Variants in GGT5 observed in about 807,000 individuals in gnomAD.
GGT5 encodes gamma-glutamyltransferase 5, also known as glutathione hydrolase 5 proenzyme.
In GGT5, 50 loss-of-function variants were observed where a neutral mutation model predicts 58.1. The ratio of observed to expected loss-of-function variants is 0.86; its 90% CI spans 0.69 to 1.09. The LOEUF (loss-of-function observed/expected upper bound fraction) is 1.09. Ranked by LOEUF, GGT5 falls within the 50% of genes least tolerant of loss-of-function variation. GGT5 has a pLI of 0.00. For missense variants in GGT5, 800 were observed against 789.4 expected (o/e 1.01, Z -0.16); for synonymous variants, 370 against 346.1 (o/e 1.07, Z -0.77).
chr22:24,244,746 G>A lies in GGT5; in HGVS notation c.-21C>T, dbSNP rs2048430037. 5 of 1,590,258 alleles carry A rather than the reference G, an allele frequency of 3.1e-6. No homozygotes were observed. Among genetic ancestry groups the A allele is most frequent in the Middle Eastern group, 2.1e-4 (1 of 4,818 alleles). On this transcript the variant is annotated 5_prime_UTR_variant, in exon 1 of 12. Transcript: ENST00000327365. ...GCCATGGCTCTGCAGCCCAGGAGGA[G>A]AGGGGCGGCTGGTGGGCAGACGGAG...
rs747658965 is a variant in GGT5 at position 24,226,196 on chromosome 22, T to TC, written c.1108dup (p.Asp370GlyfsTer143). 3 of 1,608,844 alleles carry TC rather than the reference T, an allele frequency of 1.9e-6. No homozygotes were observed. Among genetic ancestry groups the TC allele is most frequent in the African/African-American group, 2.7e-5 (2 of 74,582 alleles). Reference sequence around the variant, plus strand: ...CAAGCTGTAGTGGCTGAGCTGGTGGTCCCCCCGGCCATCGATCTGTTGGCG... The same window carrying TC: ...CAAGCTGTAGTGGCTGAGCTGGTGGTCCCCCCCGGCCATCGATCTGTTGGCG... On this transcript the variant is annotated frameshift_variant, in exon 8 of 12. Coordinates refer to ENST00000327365, the MANE Select transcript of GGT5 (RefSeq NM_004121.5). LOFTEE classifies it high-confidence loss of function.
intron 11 of GGT5, 104 bp from the exon 12 acceptor site, chr22:24,220,220 G>A (rs2047550134): frequency 4.4e-6 from 5 of 1,133,778 alleles, no homozygotes; most frequent in Admixed American, 2.3e-5. Flanking sequence ...AAGGCAAGAC[G>A]GAGAGGAAGA....
chr22:24,238,884 ATATATTT>A (rs2048224940), intron 1 of GGT5, among the ~76,000 whole-genome samples: 2 of 10,650 alleles, frequency 1.9e-4, no homozygotes, highest in African/African-American at 1.1e-3. Context: ...AATATATATT[ATATATTT>A]TATATATATA....
At position 24,219,743 on chromosome 22, in the gene GGT5, G is replaced by A; in HGVS notation, c.*227C>T. ...TGGCCCCAGGCAAGAGGCCTGCGGAGGGATAGAGGGGCCGGTTCAGGACCA... is the reference window on the plus strand; with the variant it reads ...TGGCCCCAGGCAAGAGGCCTGCGGAAGGATAGAGGGGCCGGTTCAGGACCA... On this transcript the variant is annotated 3_prime_UTR_variant, in exon 12 of 12. Coordinates refer to ENST00000327365, the MANE Select transcript of GGT5 (RefSeq NM_004121.5). 1 of 557,002 alleles carries A rather than the reference G, an allele frequency of 1.8e-6. No homozygotes were observed. Among genetic ancestry groups the A allele is most frequent in the Non-Finnish European group, 3.2e-6 (1 of 311,042 alleles). 34.5% of individuals were successfully genotyped at this position (557,002 alleles called of 1,614,324 possible). A position where few individuals can be genotyped will look rare whatever the true frequency, so the allele number is the denominator to read the frequency against.
rs1423665924 is a variant in GGT5, at chr22:24,231,414, T to C, written c.871A>G (p.Ile291Val). The C allele has an allele frequency of 6.4e-7, 1 of 1,553,190 alleles. No homozygotes were observed. The highest frequency in any genetic ancestry group is 8.7e-7 in the Non-Finnish European group (1 of 1,148,512). The change falls in exon 6 of 12, where the codon ATT becomes GTT. Residue 291 changes from isoleucine to valine, a missense_variant. By Grantham distance (29) the Ile-to-Val change is conservative. Transcript: ENST00000327365. ...YSPPPPAGGAILSFILNVLRG... is the reference protein window; with the variant it reads ...YSPPPPAGGAVLSFILNVLRG... ...AGCACGTTGAGGATAAAGCTGAGAATGGCACCCCCTGCAGGCGGCGGTGGT... is the reference window on the plus strand; with the variant it reads ...AGCACGTTGAGGATAAAGCTGAGAACGGCACCCCCTGCAGGCGGCGGTGGT...
chr22:24,231,357 C>T (rs1021181352), intron 6 of GGT5, 27 bp downstream of exon 6: 31 of 1,503,368 alleles, frequency 2.1e-5, no homozygotes, highest in Non-Finnish European at 2.4e-5. Context: ...AGGGGGTGGG[C>T]GCCAGGGCTC....
intron 6 of GGT5, 72 bp downstream of exon 6, chr22:24,231,312 G>T (rs893973219): frequency 1.8e-6 from 2 of 1,092,402 alleles, no homozygotes; most frequent in Non-Finnish European, 2.7e-6. Flanking sequence ...GCTTGGGCTT[G>T]GAGTCTGAGT....
intron 11 of GGT5, among the ~76,000 whole-genome samples, chr22:24,224,300 A>G (rs975479537): frequency 1.3e-5 from 2 of 151,986 alleles, no homozygotes; most frequent in African/African-American, 4.8e-5. Context: ...GCTTGAGCTC[A>G]GGAGTTCAAG....
chr22:24,239,988 A>C (rs1335034100), intron 1 of GGT5, among the ~76,000 whole-genome samples: 1 of 152,226 alleles, frequency 6.6e-6, no homozygotes, highest in Non-Finnish European at 1.5e-5. Flanking sequence ...CAGGAGACTG[A>C]GACAGGAGAA....
At chr22:24,226,859 A>G (rs569125271) in intron 6 of GGT5, 92 bp from the exon 7 acceptor site, 1 of 1,054,620 alleles carries the variant, frequency 9.5e-7, no homozygotes, top group East Asian at 2.4e-5. Context: ...AGATCCACCC[A>G]CATCCTAATT....
chr22:24,221,814 A>G (rs1236470702), intron 11 of GGT5, among the ~76,000 whole-genome samples: 10 of 151,860 alleles, frequency 6.6e-5, no homozygotes, highest in Middle Eastern at 6.8e-3. Flanking sequence ...CCAACTCCCT[A>G]TGATTTCATC....
intron 11 of GGT5, among the ~76,000 whole-genome samples, chr22:24,222,117 T>C (rs2047606678): frequency 6.6e-6 from 1 of 151,938 alleles, no homozygotes; most frequent in Non-Finnish European, 1.5e-5. Flanking sequence ...AGGTGGAGGT[T>C]GCAATAAGCT....
At chr22:24,237,972 A>G (rs2148934290) in intron 1 of GGT5, among the ~76,000 whole-genome samples, 1 of 152,278 alleles carries the variant, frequency 6.6e-6, no homozygotes, top group African/African-American at 2.4e-5. Flanking sequence ...TCACGCCTGT[A>G]ATCCCATCAC....
intron 11 of GGT5, among the ~76,000 whole-genome samples, chr22:24,221,240 C>T (rs956166445): frequency 7.2e-5 from 11 of 152,188 alleles, no homozygotes; most frequent in African/African-American, 2.7e-4. Context: ...CTTGCCTGGG[C>T]ACCAGACTGC....
chr22:24,226,260 AGG>A lies in GGT5; in HGVS notation c.1043_1044del (p.Ala348ValfsTer164). 1 of 1,590,582 alleles carries A rather than the reference AGG, an allele frequency of 6.3e-7. No homozygotes were observed. Among genetic ancestry groups the A allele is most frequent in the Non-Finnish European group, 8.6e-7 (1 of 1,169,578 alleles). On this transcript the variant is annotated frameshift_variant, in exon 8 of 12. Transcript: ENST00000327365. LOFTEE classifies it high-confidence loss of function. ...AGGGTCTCCCCCAGCAGGTCCCGGG[AGG>A]CATTCTGGGGTGGGTGGGCAGGTGG... is the stretch of plus-strand genomic sequence containing the variant. ...DPRSHPKLQNASRDLLGETLA... is the reference protein window; with the variant it reads ...DPRSHPKLQNXSRDLLGETLA...
chr22:24,231,432 G>GC lies in GGT5; in HGVS notation c.852dup (p.Pro285AlafsTer29). The stretch of plus-strand genomic sequence containing the variant: ...CTGAGAATGGCACCCCCTGCAGGCG[G>GC]CGGTGGTGAGTACAGGGTATAGTCC... On this transcript the variant is annotated frameshift_variant, in exon 6 of 12. Coordinates refer to ENST00000327365, the MANE Select transcript of GGT5 (RefSeq NM_004121.5). LOFTEE classifies it high-confidence loss of function. 1 of 1,558,956 alleles carries GC rather than the reference G, an allele frequency of 6.4e-7. No homozygotes were observed. Among genetic ancestry groups the GC allele is most frequent in the Non-Finnish European group, 8.7e-7 (1 of 1,151,238 alleles).
At chr22:24,230,772 G>A (rs528679147) in intron 6 of GGT5, among the ~76,000 whole-genome samples, 1 of 152,048 alleles carries the variant, frequency 6.6e-6, no homozygotes. Flanking sequence ...TTTTCTTTGA[G>A]AGCCTTGTTC....
chr22:24,226,197 C>G lies in GGT5; in HGVS notation c.1108G>C (p.Asp370His), dbSNP rs779678448. The G allele has an allele frequency of 1.2e-6, 2 of 1,608,180 alleles. No homozygotes were observed. The highest frequency in any genetic ancestry group is 4.5e-5 in the East Asian group (2 of 44,802). Residue 370 changes from aspartate (D) to histidine (H), a missense_variant, in exon 8 of 12, where the codon GAC (aspartate) becomes CAC (histidine). Physicochemically the swap from Asp to His is moderately conservative, Grantham distance 81 (BLOSUM62 -1). Transcript: ENST00000327365. Reference protein sequence around the residue: ...LIRQQIDGRGDHQLSHYSLAE... With the variant: ...LIRQQIDGRGHHQLSHYSLAE... ...AAGCTGTAGTGGCTGAGCTGGTGGT[C>G]CCCCCGGCCATCGATCTGTTGGCGG...
Position 24,226,816 on chromosome 22 carries a change from G to C in GGT5, c.902-49C>G, listed in dbSNP as rs763570317. On this transcript the variant is annotated intron_variant, in intron 6 of 11. Transcript: ENST00000327365. The stretch of plus-strand genomic sequence containing the variant: ...TTGGTTGGGGTCACCCTATGTAATG[G>C]GTTGAATGTTGCCCCCACCCCCCAC... The C allele has an allele frequency of 2.6e-6, 4 of 1,555,278 alleles. No individual in the cohort carries two copies. The South Asian group carries it at 4.5e-5, about 17-fold the overall frequency.
Sources: allele counts gnomAD v4.1 joint callset (sites outside exome capture counted in the v4.1 genomes callset), GRCh38; gene constraint gnomAD v4.1.1; transcripts MANE v1.5; gene names NCBI Gene and HGNC (gene_info 2026-07-23, HGNC 2026-07-21).